The following SLAMF7 variants were observed in gnomAD, a reference collection of about 807,000 sequenced individuals.
SLAMF7 encodes SLAM family member 7, also known as 19A24 protein.
A neutral mutation model predicts 34.1 loss-of-function variants in SLAMF7; 26 were observed. That is an observed-to-expected ratio of 0.76 (90% confidence interval 0.56 to 1.06). The LOEUF (loss-of-function observed/expected upper bound fraction) is 1.06. Ranked by LOEUF, SLAMF7 falls within the 50% of genes least tolerant of loss-of-function variation. The probability of loss-of-function intolerance (pLI) is 0.00; values close to 1 mark genes in which losing one functional copy is unlikely to be tolerated. For synonymous variants in SLAMF7, 171 were observed against 156.4 expected, an observed-to-expected ratio of 1.09 and a Z score of -0.70; for missense variants, 399 against 402.5, an observed-to-expected ratio of 0.99 and a Z score of 0.07.
At chr1:160,748,120 G>C in intron 1 of SLAMF7, 74 bp from the exon 2 acceptor site, 1 of 1,491,222 alleles carries the variant, frequency 6.7e-7, no homozygotes, top group Non-Finnish European at 9.1e-7. Context: ...GATCTCTCCA[G>C]GACCCAAAGG....
intron 5 of SLAMF7, chr1:160,751,650 G>A (rs1015076541): frequency 1.3e-5 from 7 of 520,358 alleles, no homozygotes; most frequent in Non-Finnish European, 2.4e-5. Flanking sequence ...GGAGCACCTG[G>A]TTCTGACTCA....
At chr1:160,752,988 C>A (rs529563953) in intron 6 of SLAMF7, 118 bp from the exon 7 acceptor site, 12 of 821,710 alleles carry the variant, frequency 1.5e-5, no homozygotes, top group South Asian at 1.5e-4. Flanking sequence ...AGCCAGCATG[C>A]CAGCCGATTT....
Position 160,754,596 on chromosome 1 carries a change from G to C in SLAMF7, c.*1419G>C, listed in dbSNP as rs1664878299. On this transcript the variant is annotated 3_prime_UTR_variant, in exon 7 of 7. Coordinates refer to ENST00000368043, the MANE Select transcript of SLAMF7 (RefSeq NM_021181.5). Reference sequence around the variant, plus strand: ...AATGGCTGCTTTTGATATGTTCCCTGACACATATCTTGAATGGAGACCTCC... The same window carrying C: ...AATGGCTGCTTTTGATATGTTCCCTCACACATATCTTGAATGGAGACCTCC... 6.6e-6 allele frequency: 1 copy of C among 152,300 alleles called. No homozygotes were observed. The highest frequency in any genetic ancestry group is 1.5e-5 in the Non-Finnish European group (1 of 68,040). The allele number at this position is 152,300 out of a possible 1,614,324, so 9.4% of individuals were successfully genotyped here.
chr1:160,740,264 C>G (rs576189046), intron 1 of SLAMF7, among the ~76,000 whole-genome samples: 3 of 141,510 alleles, frequency 2.1e-5, no homozygotes, highest in Non-Finnish European at 4.5e-5. Context: ...CCAGGTGGTT[C>G]TGGAATAGGC....
Position 160,748,179 on chromosome 1 carries a change from T to C in SLAMF7, c.56-15T>C, listed in dbSNP as rs1361003143. 2 of 1,610,764 alleles carry C rather than the reference T, an allele frequency of 1.2e-6. No homozygotes were observed. The highest frequency in any genetic ancestry group is 1.3e-5 in the African/African-American group (1 of 74,736). On this transcript the variant is annotated splice_polypyrimidine_tract_variant and intron_variant, in intron 1 of 6. Coordinates refer to ENST00000368043, the MANE Select transcript of SLAMF7 (RefSeq NM_021181.5). ...CAGGGAATCAGGCTTATTTTATGGTTCTCTGTGTTTATAGGGTCAGCAGCC... is the reference window on the plus strand; with the variant it reads ...CAGGGAATCAGGCTTATTTTATGGTCCTCTGTGTTTATAGGGTCAGCAGCC...
chr1:160,749,757 G>C, intron 2 of SLAMF7, 64 bp from the exon 3 acceptor site: 1 of 1,418,304 alleles, frequency 7.1e-7, no homozygotes, highest in Non-Finnish European at 9.6e-7. Context: ...GGTATCCAAG[G>C]ATAATTCAGA....
intron 1 of SLAMF7, among the ~76,000 whole-genome samples, chr1:160,743,627 T>G (rs994573706): frequency 6.6e-6 from 1 of 152,148 alleles, no homozygotes; most frequent in Non-Finnish European, 1.5e-5. Context: ...AGGTAGAAGG[T>G]TGGCACCTGA....
chr1:160,743,883 C>A lies in SLAMF7; in HGVS notation c.56-4311C>A, dbSNP rs536748586. ...TTTTCATTTTTTGTAAAGACAAGGTCTGGCTATGTTGCCCAGCCTGGTCTC... is the reference window on the plus strand; with the variant it reads ...TTTTCATTTTTTGTAAAGACAAGGTATGGCTATGTTGCCCAGCCTGGTCTC... On this transcript the variant is annotated intron_variant, in intron 1 of 6. Transcript: ENST00000368043. Among the ~76,000 whole-genome samples the A allele has an allele frequency of 8.5e-5, 13 of 152,304 alleles. No individual in the cohort carries two copies. In the South Asian group the frequency reaches 2.7e-3, roughly 32 times the overall value.
At position 160,750,461 on chromosome 1, in the gene SLAMF7, T is replaced by G. The variant is rs757652344; in HGVS notation, c.769+38T>G. 28 of 1,603,002 alleles carry G rather than the reference T, an allele frequency of 1.7e-5. No individual in the cohort carries two copies. In the South Asian group the frequency reaches 3.0e-4, roughly 17 times the overall value. The stretch of plus-strand genomic sequence containing the variant: ...CTATTTTTGTCCTCACCCACATTCA[T>G]GTTTTTCTCCTTCACTGATTCAACA... On this transcript the variant is annotated intron_variant, in intron 4 of 6. Coordinates refer to ENST00000368043, the MANE Select transcript of SLAMF7 (RefSeq NM_021181.5).
chr1:160,741,594 G>A (rs981094200), intron 1 of SLAMF7, among the ~76,000 whole-genome samples: 5 of 151,988 alleles, frequency 3.3e-5, no homozygotes, highest in African/African-American at 1.2e-4. Flanking sequence ...TTCCTTTTAT[G>A]GAATGAAATT....
intron 2 of SLAMF7, among the ~76,000 whole-genome samples, chr1:160,748,984 G>C (rs1189933062): frequency 1.3e-5 from 2 of 152,202 alleles, no homozygotes; most frequent in Admixed American, 6.5e-5. Flanking sequence ...ATCTAGACAG[G>C]AGAAATGCTT....
chr1:160,750,516 G>A, intron 4 of SLAMF7, 93 bp downstream of exon 4: 1 of 1,469,022 alleles, frequency 6.8e-7, no homozygotes, highest in Non-Finnish European at 9.2e-7. Flanking sequence ...GCCAGACTTG[G>A]CATGAGGTGT....
At chr1:160,749,800 T>C in intron 2 of SLAMF7, 21 bp from the exon 3 acceptor site, 1 of 1,551,558 alleles carries the variant, frequency 6.4e-7, no homozygotes, top group Non-Finnish European at 8.7e-7. Flanking sequence ...TTTCCACCTC[T>C]GGTTTTCCTT....
At chr1:160,746,716 G>A (rs1204121904) in intron 1 of SLAMF7, among the ~76,000 whole-genome samples, 1 of 152,142 alleles carries the variant, frequency 6.6e-6, no homozygotes, top group African/African-American at 2.4e-5. Context: ...GAAAATTCAG[G>A]GTGGGCTGCC....
chr1:160,747,469 A>G (rs1242828319), intron 1 of SLAMF7, among the ~76,000 whole-genome samples: 4 of 152,220 alleles, frequency 2.6e-5, no homozygotes, highest in Non-Finnish European at 5.9e-5. Flanking sequence ...ACTTGAGGTC[A>G]GGAGTTCAAG....
In SLAMF7 at chr1:160,753,143, C is replaced by T; in HGVS notation, c.974C>T (p.Thr325Ile). The change falls in exon 7 of 7, where the codon ACA becomes ATA. Residue 325 changes from threonine (T) to isoleucine (I), a missense_variant. Coordinates refer to ENST00000368043, the MANE Select transcript of SLAMF7 (RefSeq NM_021181.5). ...NPHSLLTMPD[T>I]PRLFAYENVI is the part of the protein sequence containing the mutation. ...CACTCACTGCTCACGATGCCAGACA[C>T]ACCAAGGCTATTTGCCTATGAGAAT... The T allele has an allele frequency of 6.2e-7, 1 of 1,613,530 alleles. No homozygotes were observed. The highest frequency in any genetic ancestry group is 8.5e-7 in the Non-Finnish European group (1 of 1,179,956).
intron 4 of SLAMF7, chr1:160,750,821 T>C (rs909789842): frequency 4.6e-6 from 1 of 215,632 alleles, no homozygotes; most frequent in East Asian, 1.2e-4. Flanking sequence ...TTCCTATCCC[T>C]GTCAGAGCCC....
chr1:160,740,048 A>C (rs1663605367), intron 1 of SLAMF7, among the ~76,000 whole-genome samples: 1 of 152,100 alleles, frequency 6.6e-6, no homozygotes, highest in African/African-American at 2.4e-5. Flanking sequence ...CTCATGGAGT[A>C]CTACCATGAG....
In SLAMF7 at chr1:160,748,394, G is replaced by A. The variant is rs768123795; in HGVS notation, c.256G>A (p.Gly86Arg). 4.3e-6 allele frequency: 7 copies of A among 1,614,036 alleles called. No individual in the cohort carries two copies. The highest frequency in any genetic ancestry group is 5.9e-6 in the Non-Finnish European group (7 of 1,179,970). Residue 86 changes from glycine (G) to arginine (R), a missense_variant, in exon 2 of 7, where the codon GGA (glycine) becomes AGA (arginine). Coordinates refer to ENST00000368043, the MANE Select transcript of SLAMF7 (RefSeq NM_021181.5). ...TAGGGAGAGAGTAGACTTCCCAGAT[G>A]GAGGCTACTCCCTGAAGCTCAGCAA... ...RNRERVDFPD[G>R]GYSLKLSKLK...
Sources: gnomAD v4.1 joint callset for allele counts (sites outside exome capture counted in the v4.1 genomes callset) on GRCh38, gnomAD v4.1.1 for gene constraint, MANE v1.5 for transcripts, NCBI Gene and HGNC (gene_info 2026-07-23, HGNC 2026-07-21) for gene names.